ATP8B1: variants seen among roughly 807,000 people sequenced by gnomAD.
The protein encoded by ATP8B1 is phospholipid-transporting ATPase IC.
Under a neutral mutation model 149.9 loss-of-function variants are expected in ATP8B1, and 80 were observed. The ratio of observed to expected loss-of-function variants is 0.53; its 90% CI spans 0.45 to 0.64. The LOEUF is 0.64. ATP8B1 is among the 30% of genes least tolerant of loss of function. The pLI is 0.00. For synonymous variants in ATP8B1, 536 were observed against 562.8 expected (o/e 0.95, Z 0.67); for missense variants, 1,247 against 1,552.6 (o/e 0.80, Z 3.31).
At position 57,648,845 on chromosome 18, in the gene ATP8B1, T is replaced by C; in HGVS notation, c.3532-133A>G. The stretch of plus-strand genomic sequence containing the variant: ...CCCCATTTTGATGCAGGCAGTTCTG[T>C]CCCCACTTGTGTGTGTGTGTGTGTG... On this transcript the variant is annotated intron_variant, in intron 27 of 27. Transcript: ENST00000648908. 8.8e-6 allele frequency: 7 copies of C among 794,426 alleles called. No homozygotes were observed. In the South Asian group the frequency reaches 1.2e-4, roughly 13 times the overall value. The allele number at this position is 794,426 out of a possible 1,614,324, so 49.2% of individuals were successfully genotyped here.
At chr18:57,714,957 C>A (rs1468341709) in intron 2 of ATP8B1, among the ~76,000 whole-genome samples, 2 of 152,092 alleles carry the variant, frequency 1.3e-5, no homozygotes, top group Non-Finnish European at 2.9e-5. Flanking sequence ...AAATAAGACA[C>A]CAGGGGCCAA....
intron 2 of ATP8B1, among the ~76,000 whole-genome samples, chr18:57,713,475 T>TTTTTATTTTA (rs138926824): frequency 0.06 from 8,847 of 146,284 alleles, 449 homozygotes; most frequent in African/African-American, 0.13. Flanking sequence ...TTTTAAAAAT[T>TTTTTATTTTA]TTTTATTTTA....
rs748019148 is a variant in ATP8B1 at position 57,731,646 on chromosome 18, G to C, written c.162C>G (p.Asn54Lys). The change falls in exon 2 of 28, where the codon AAC becomes AAG. Residue 54 changes from asparagine to lysine, a missense_variant. By Grantham distance (94) the Asn-to-Lys change is moderately conservative. Around this residue, in one of 3 missense-constraint regions of ATP8B1, gnomAD observed 853 missense variants for 1,035.7 expected, o/e 0.82. Coordinates refer to ENST00000648908, the MANE Select transcript of ATP8B1 (RefSeq NM_001374385.1). ...GGTTACCTTTTCTGAATGGCTCCCG[G>C]TTCTCCTCTGCTTCCCTGTTGACTC... ...QNRVNREAEE[N>K]REPFRKECTW... The C allele has an allele frequency of 1.9e-6, 3 of 1,614,014 alleles. No individual in the cohort carries two copies. Among genetic ancestry groups the C allele is most frequent in the Admixed American group, 1.7e-5 (1 of 59,966 alleles).
rs570198798 is a variant in ATP8B1 at position 57,667,173 on chromosome 18, A to G, written c.2210-6T>C. On this transcript the variant is annotated splice_polypyrimidine_tract_variant and splice_region_variant and intron_variant, in intron 19 of 27. Transcript: ENST00000648908. ...TCCTATATTTTCAGCAGTTTCTACA[A>G]TAGAATAAAATTAAGTCAAATGTCA... 1 of 1,600,250 alleles carries G rather than the reference A, an allele frequency of 6.2e-7. No individual in the cohort carries two copies. The highest frequency in any genetic ancestry group is 8.6e-7 in the Non-Finnish European group (1 of 1,167,438).
At chr18:57,692,440 T>A (rs1203874693) in intron 11 of ATP8B1, among the ~76,000 whole-genome samples, 1 of 145,774 alleles carries the variant, frequency 6.9e-6, no homozygotes, top group African/African-American at 2.6e-5. Context: ...TTTTTTTTTT[T>A]TTTTTTTTTT....
chr18:57,670,854 C>G (rs1011898646), intron 17 of ATP8B1, among the ~76,000 whole-genome samples: 4 of 151,708 alleles, frequency 2.6e-5, no homozygotes, highest in Non-Finnish European at 5.9e-5. Flanking sequence ...TTACAGGTGC[C>G]CACCACCACA....
At chr18:57,774,601 A>C (rs1274118165) in intron 1 of ATP8B1, among the ~76,000 whole-genome samples, 1 of 137,192 alleles carries the variant, frequency 7.3e-6, no homozygotes, top group Non-Finnish European at 1.5e-5. Flanking sequence ...CCATCTCAAA[A>C]ATAAATAAAA....
intron 15 of ATP8B1, among the ~76,000 whole-genome samples, chr18:57,677,772 A>C (rs1039177857): frequency 3.0e-4 from 45 of 152,188 alleles, no homozygotes; most frequent in African/African-American, 1.1e-3. Flanking sequence ...ACAAATCAGC[A>C]GCGGTGAGAA....
intron 1 of ATP8B1, among the ~76,000 whole-genome samples, chr18:57,778,228 CTTTT>C (rs5825238): frequency 2.0e-5 from 2 of 97,684 alleles, no homozygotes; most frequent in Admixed American, 1.3e-4. Context: ...TTTTCTTTTT[CTTTT>C]TTTTTTTTTT....
At chr18:57,730,576 G>C (rs1028029153) in intron 2 of ATP8B1, among the ~76,000 whole-genome samples, 3 of 152,128 alleles carry the variant, frequency 2.0e-5, no homozygotes, top group African/African-American at 7.2e-5. Context: ...ACCAGCAGGA[G>C]ATGAAATAGA....
intron 8 of ATP8B1, among the ~76,000 whole-genome samples, chr18:57,696,745 C>T (rs1344146600): frequency 2.0e-5 from 3 of 152,164 alleles, no homozygotes; most frequent in African/African-American, 4.8e-5. Flanking sequence ...CGGGCTGCTG[C>T]ACCTCCCTGG....
Position 57,786,437 on chromosome 18 carries a change from G to C in ATP8B1, c.-26+16561C>G, listed in dbSNP as rs192134911. On this transcript the variant is annotated intron_variant, in intron 1 of 27. Coordinates refer to ENST00000648908, the MANE Select transcript of ATP8B1 (RefSeq NM_001374385.1). ...AGTTTTATTAGGACACTGATTGCTGGGTCTTAACCCCAGAGCTTCTGAGTC... is the reference window on the plus strand; with the variant it reads ...AGTTTTATTAGGACACTGATTGCTGCGTCTTAACCCCAGAGCTTCTGAGTC... Among the ~76,000 whole-genome samples, 301 of 152,228 alleles carry C rather than the reference G, an allele frequency of 2.0e-3. 1 individual carries two copies. The highest frequency in any genetic ancestry group is 6.8e-3 in the African/African-American group (284 of 41,542).
At chr18:57,725,706 G>A (rs2079699538) in intron 2 of ATP8B1, among the ~76,000 whole-genome samples, 1 of 152,156 alleles carries the variant, frequency 6.6e-6, no homozygotes, top group South Asian at 2.1e-4. Context: ...GAACAGAAAA[G>A]AGAACTCAGA....
intron 20 of ATP8B1, among the ~76,000 whole-genome samples, chr18:57,663,709 C>T (rs1910660221): frequency 6.6e-6 from 1 of 150,410 alleles, no homozygotes; most frequent in Non-Finnish European, 1.5e-5. Flanking sequence ...ACATGTTTAT[C>T]AGCCATTTGC....
chr18:57,746,391 T>C (rs1351060046), intron 1 of ATP8B1, among the ~76,000 whole-genome samples: 1 of 152,028 alleles, frequency 6.6e-6, no homozygotes, highest in East Asian at 1.9e-4. Flanking sequence ...CCAAATCTCT[T>C]ACGATTTGTC....
At chr18:57,798,912 T>C (rs1599252827) in intron 1 of ATP8B1, among the ~76,000 whole-genome samples, 3 of 152,188 alleles carry the variant, frequency 2.0e-5, no homozygotes, top group Admixed American at 6.5e-5. Context: ...GGCACTGATG[T>C]TTGCTAAATA....
chr18:57,694,270 G>A (rs1384761899), intron 11 of ATP8B1, among the ~76,000 whole-genome samples: 1 of 152,040 alleles, frequency 6.6e-6, no homozygotes, highest in Admixed American at 6.6e-5. Context: ...TTGACTTCAG[G>A]AGTCCAGCTT....
chr18:57,668,143 A>G, intron 19 of ATP8B1: 1 of 1,365,046 alleles, frequency 7.3e-7, no homozygotes, highest in Non-Finnish European at 9.6e-7. Flanking sequence ...TGGCCCTTTC[A>G]GGACGGGAAC....
chr18:57,706,819 G>T (rs889844609), intron 2 of ATP8B1, among the ~76,000 whole-genome samples: 9 of 152,198 alleles, frequency 5.9e-5, no homozygotes, highest in Non-Finnish European at 1.0e-4. Context: ...TGGACACAGA[G>T]ATAGATGGAA....
Sources: gnomAD v4.1 joint callset for allele counts (sites outside exome capture counted in the v4.1 genomes callset) on GRCh38, gnomAD v4.1.1 for gene constraint, gnomAD v4.1.1 regional missense constraint, MANE v1.5 for transcripts, NCBI Gene and HGNC (gene_info 2026-07-23, HGNC 2026-07-21) for gene names.